Variants in MDGA2 observed in about 807,000 individuals in gnomAD.
The protein encoded by MDGA2 is MAM domain containing glycosylphosphatidylinositol anchor 2.
Under a neutral mutation model 117.8 loss-of-function variants are expected in MDGA2, and 40 were observed. The ratio of observed to expected loss-of-function variants is 0.34; its 90% CI spans 0.26 to 0.44. The LOEUF is 0.44. Ranked by LOEUF, MDGA2 falls within the 20% of genes least tolerant of loss-of-function variation. MDGA2 has a pLI of 1.00. For synonymous variants in MDGA2, 452 were observed against 439.0 expected (o/e 1.03, Z -0.37); for missense variants, 1,123 against 1,250.6 (o/e 0.90, Z 1.54).
At chr14:46,915,507 C>G (rs1050600691) in intron 10 of MDGA2, among the ~76,000 whole-genome samples, 1 of 152,150 alleles carries the variant, frequency 6.6e-6, no homozygotes, top group African/African-American at 2.4e-5. Flanking sequence ...TCCTATCACT[C>G]ATTTACCAAA....
chr14:47,489,534 C>T (rs1161595720), intron 1 of MDGA2, among the ~76,000 whole-genome samples: 1 of 151,976 alleles, frequency 6.6e-6, no homozygotes, highest in African/African-American at 2.4e-5. Context: ...CTGTGAAATG[C>T]ATAAACCAGG....
intron 4 of MDGA2, among the ~76,000 whole-genome samples, chr14:47,137,124 T>C (rs1485093624): frequency 6.6e-6 from 1 of 152,184 alleles, no homozygotes; most frequent in African/African-American, 2.4e-5. Flanking sequence ...TTATGTTATC[T>C]AAAGGTAAAA....
chr14:46,968,372 C>A (rs77147907), intron 8 of MDGA2, among the ~76,000 whole-genome samples: 17,971 of 152,066 alleles, frequency 0.12, 2,025 homozygotes, highest in African/African-American at 0.27. Context: ...AATATAACCA[C>A]ATAGAATTCA....
chr14:46,907,628 C>T (rs1019162576), intron 10 of MDGA2, among the ~76,000 whole-genome samples: 2 of 152,094 alleles, frequency 1.3e-5, no homozygotes, highest in African/African-American at 4.8e-5. Flanking sequence ...GTGTTGCTCT[C>T]ATTTCTTAGC....
At chr14:47,347,200 A>G (rs2138339034) in intron 1 of MDGA2, among the ~76,000 whole-genome samples, 1 of 152,306 alleles carries the variant, frequency 6.6e-6, no homozygotes, top group African/African-American at 2.4e-5. Context: ...GGCAAGCGAC[A>G]TGGCCAGATT....
chr14:47,641,536 C>A (rs898473304), intron 1 of MDGA2, among the ~76,000 whole-genome samples: 8 of 151,808 alleles, frequency 5.3e-5, no homozygotes, highest in African/African-American at 1.9e-4. Context: ...GAGAGGATAC[C>A]AAAAAGAAAC....
intron 3 of MDGA2, among the ~76,000 whole-genome samples, chr14:47,166,155 C>A (rs528531003): frequency 2.0e-5 from 3 of 151,902 alleles, no homozygotes; most frequent in African/African-American, 7.2e-5. Context: ...CCTGCCTCAG[C>A]CTCCCGAGTA....
intron 16 of MDGA2, among the ~76,000 whole-genome samples, chr14:46,844,406 C>T (rs1187415182): frequency 2.0e-5 from 3 of 152,094 alleles, no homozygotes; most frequent in Non-Finnish European, 2.9e-5. Flanking sequence ...ATGGTGAAAC[C>T]GCGTCTCTAC....
intron 1 of MDGA2, among the ~76,000 whole-genome samples, chr14:47,435,876 C>T (rs751232309): frequency 2.6e-5 from 4 of 152,058 alleles, no homozygotes; most frequent in Admixed American, 6.6e-5. Flanking sequence ...TCTGGCAGAA[C>T]GTGGCTGTCA....
chr14:47,549,065 C>A (rs1895524105), intron 1 of MDGA2, among the ~76,000 whole-genome samples: 2 of 152,020 alleles, frequency 1.3e-5, no homozygotes, highest in Non-Finnish European at 2.9e-5. Context: ...CAAATAGTGA[C>A]AAATCAGTGA....
intron 1 of MDGA2, among the ~76,000 whole-genome samples, chr14:47,582,566 G>T (rs1029283433): frequency 1.3e-5 from 2 of 151,754 alleles, no homozygotes; most frequent in African/African-American, 2.4e-5. Flanking sequence ...ATAATATTTT[G>T]TATTTTCAAT....
chr14:46,880,635 T>A (rs1006750185), intron 11 of MDGA2, among the ~76,000 whole-genome samples: 1 of 151,374 alleles, frequency 6.6e-6, no homozygotes, highest in African/African-American at 2.4e-5. Flanking sequence ...AAACCCCTTC[T>A]GTACTAAAAA....
At chr14:46,871,687 T>C (rs1882004607) in intron 14 of MDGA2, 1 of 160,522 alleles carries the variant, frequency 6.2e-6, no homozygotes. Flanking sequence ...CTAATTTAAC[T>C]TAAACTACAG....
At chr14:46,930,738 C>T (rs1304685388) in intron 9 of MDGA2, among the ~76,000 whole-genome samples, 2 of 152,104 alleles carry the variant, frequency 1.3e-5, no homozygotes, top group Non-Finnish European at 2.9e-5. Flanking sequence ...AAATACAATA[C>T]CTCCATGAAA....
intron 3 of MDGA2, among the ~76,000 whole-genome samples, chr14:47,177,294 T>C (rs1884502818): frequency 6.6e-6 from 1 of 152,112 alleles, no homozygotes; most frequent in African/African-American, 2.4e-5. Context: ...AGCCATCCCA[T>C]TACTGGGTAT....
chr14:47,094,887 G>A (rs1422304764), intron 6 of MDGA2, among the ~76,000 whole-genome samples: 1 of 151,932 alleles, frequency 6.6e-6, no homozygotes, highest in African/African-American at 2.4e-5. Context: ...AACAGAATCT[G>A]GTTGCTCACT....
At chr14:47,673,858 C>A (rs1239319842) in intron 1 of MDGA2, among the ~76,000 whole-genome samples, 2 of 151,924 alleles carry the variant, frequency 1.3e-5, no homozygotes, top group Non-Finnish European at 2.9e-5. Context: ...TGCCCTGGAA[C>A]CCAGACGCGC....
chr14:47,634,849 G>A (rs1312985375), intron 1 of MDGA2, among the ~76,000 whole-genome samples: 2 of 152,068 alleles, frequency 1.3e-5, no homozygotes, highest in Non-Finnish European at 2.9e-5. Context: ...TCATTACCAT[G>A]TTCAGGTTCA....
rs974765330 is a variant in MDGA2 at position 47,675,457 on chromosome 14, G to C, written c.-661C>G. Among the ~76,000 whole-genome samples the C allele has an allele frequency of 1.3e-5, 2 of 152,052 alleles. No homozygotes were observed. Among genetic ancestry groups the C allele is most frequent in the African/African-American group, 2.4e-5 (1 of 41,426 alleles). The stretch of plus-strand genomic sequence containing the variant: ...GGAGCGGAGTGTGCGTCTGGAGCTC[G>C]CTTGGGCACACCAGCCCAGCCGCCA... On this transcript the variant is annotated 5_prime_UTR_variant, in exon 1 of 17. Transcript: ENST00000399232.
Sources: allele counts gnomAD v4.1 joint callset (sites outside exome capture counted in the v4.1 genomes callset), GRCh38; gene constraint gnomAD v4.1.1; transcripts MANE v1.5; gene names NCBI Gene and HGNC (gene_info 2026-07-23, HGNC 2026-07-21).